Variants in MICALL1 observed in about 807,000 individuals in gnomAD.
MICALL1 encodes MICAL like 1.
In MICALL1, 61 loss-of-function variants were observed where a neutral mutation model predicts 83.7. The ratio of observed to expected loss-of-function variants is 0.73; its 90% CI spans 0.59 to 0.90. MICALL1 has a LOEUF of 0.90. Ranked by LOEUF, MICALL1 falls within the 40% of genes least tolerant of loss-of-function variation. MICALL1 has a pLI of 0.00. For synonymous variants in MICALL1, 481 were observed against 473.6 expected, an observed-to-expected ratio of 1.02 and a Z score of -0.20; for missense variants, 1,066 against 1,152.0, an observed-to-expected ratio of 0.93 and a Z score of 1.08.
rs540174489 is a variant in MICALL1, at chr22:37,940,911, C to T, written c.*81C>T. 11 of 1,562,050 alleles carry T rather than the reference C, an allele frequency of 7.0e-6. No homozygotes were observed. The East Asian group carries it at 2.5e-4, about 36-fold the overall frequency. Reference sequence around the variant, plus strand: ...CTCTGTTTGAAGGGGGCGCCCTGCTCCCCTCAGATCAGTCAGGAGGAAGAT... The same window carrying T: ...CTCTGTTTGAAGGGGGCGCCCTGCTTCCCTCAGATCAGTCAGGAGGAAGAT... On this transcript the variant is annotated 3_prime_UTR_variant, in exon 16 of 16. Coordinates refer to ENST00000215957, the MANE Select transcript of MICALL1 (RefSeq NM_033386.4).
intron 3 of MICALL1, among the ~76,000 whole-genome samples, chr22:37,912,888 C>T (rs915018135): frequency 7.9e-5 from 12 of 151,844 alleles, no homozygotes; most frequent in African/African-American, 2.7e-4. Context: ...GTCTCAAACT[C>T]TTGACCTCGT....
intron 13 of MICALL1, among the ~76,000 whole-genome samples, chr22:37,935,995 C>T (rs1205138898): frequency 6.6e-6 from 1 of 152,216 alleles, no homozygotes; most frequent in Non-Finnish European, 1.5e-5. Context: ...TCCCAAAGTG[C>T]TGGGATTACA....
chr22:37,934,811 T>G (rs1021806991), intron 13 of MICALL1, among the ~76,000 whole-genome samples: 1 of 151,218 alleles, frequency 6.6e-6, no homozygotes, highest in Non-Finnish European at 1.5e-5. Context: ...TTAGCCAGGA[T>G]GGTCTCGATC....
In MICALL1 at chr22:37,933,061, CAG is replaced by C; in HGVS notation, c.2258_2259del (p.Gln753ProfsTer4). ...TAGCTTCAAGCAGCAGAACCTGGAG[CAG>C]CGCCAGGCTGATGTCGAGTATGAGC... ...IYVFKQQNLE[Q>X]RQADVEYELR... On this transcript the variant is annotated frameshift_variant, in exon 13 of 16. Transcript: ENST00000215957. LOFTEE classifies it high-confidence loss of function. 1.9e-6 allele frequency: 3 copies of C among 1,614,008 alleles called. No individual in the cohort carries two copies. Among genetic ancestry groups the C allele is most frequent in the Non-Finnish European group, 2.5e-6 (3 of 1,180,004 alleles).
At position 37,930,565 on chromosome 22, in the gene MICALL1, G is replaced by T. The variant is rs1482423601; in HGVS notation, c.1882-1234G>T. On this transcript the variant is annotated intron_variant, in intron 9 of 15. Transcript: ENST00000215957. The surrounding 1 kb of genome is among the most constrained non-coding windows in gnomAD (Gnocchi z 4.8). ...ATCCCAGGTCTCAGGTGAGGCCTCT[G>T]TAAGGGGCTCGCAGTGACGTCTGTT... 6.6e-6 allele frequency among the ~76,000 whole-genome samples: 1 copy of T among 152,276 alleles called. No individual in the cohort carries two copies. Among genetic ancestry groups the T allele is most frequent in the Non-Finnish European group, 1.5e-5 (1 of 68,046 alleles).
rs563746406 is a variant in MICALL1 at position 37,914,380 on chromosome 22, C to CCA, written c.337+1892_337+1893dup. Reference sequence around the variant, plus strand: ...TAGCTGGGATTACAGGCACCCGCCACCACACCCGGCTAATTTTTGTAGTTT... The same window carrying CCA: ...TAGCTGGGATTACAGGCACCCGCCACCACACACCCGGCTAATTTTTGTAGTTT... On this transcript the variant is annotated intron_variant, in intron 3 of 15. Coordinates refer to ENST00000215957, the MANE Select transcript of MICALL1 (RefSeq NM_033386.4). Among the ~76,000 whole-genome samples the CCA allele has an allele frequency of 3.9e-3, 596 of 151,066 alleles. 3 individuals are homozygous for CCA. Among genetic ancestry groups the CCA allele is most frequent in the African/African-American group, 0.013 (547 of 41,128 alleles).
chr22:37,937,218 T>A, intron 14 of MICALL1, 24 bp downstream of exon 14: 36 of 976,280 alleles, frequency 3.7e-5, no homozygotes, highest in Non-Finnish European at 5.0e-5. Context: ...GGGTGGGGGG[T>A]CCTGGGGGCA....
chr22:37,933,245 G>A lies in MICALL1; in HGVS notation c.2308+133G>A, dbSNP rs1330586740. ...GGGACAGGGCCAGAGGAGGAGGTGC[G>A]GGGCAGGGCTGTCTGGGTCACCCCC... On this transcript the variant is annotated intron_variant, in intron 13 of 15. Coordinates refer to ENST00000215957, the MANE Select transcript of MICALL1 (RefSeq NM_033386.4). 2.0e-5 allele frequency: 18 copies of A among 882,618 alleles called. No homozygotes were observed. The East Asian group carries it at 2.6e-4, about 13-fold the overall frequency. 54.7% of individuals were successfully genotyped at this position (882,618 alleles called of 1,614,324 possible).
intron 3 of MICALL1, 53 bp downstream of exon 3, chr22:37,912,545 G>A: frequency 6.6e-7 from 1 of 1,506,512 alleles, no homozygotes; most frequent in Non-Finnish European, 9.0e-7. Context: ...GTGGCCCTGG[G>A]GATGTCTGAT....
In MICALL1 at chr22:37,922,415, G is replaced by A; in HGVS notation, c.1013G>A (p.Ser338Asn). ...CTGGTGGAGCAGGCTGGCAGCAGCA[G>A]CCTGGTGAACGGTGAGCAGGGTGCA... is the stretch of plus-strand genomic sequence containing the variant. ...ENLVEQAGSS[S>N]LVNGRLHELP... The change falls in exon 6 of 16, where the codon AGC becomes AAC. Residue 338 changes from serine (S) to asparagine (N), a missense_variant. Transcript: ENST00000215957. The A allele has an allele frequency of 2.6e-6, 4 of 1,529,642 alleles. No individual in the cohort carries two copies. Among genetic ancestry groups the A allele is most frequent in the Middle Eastern group, 2.3e-4 (1 of 4,398 alleles). The allele number at this position is 1,529,642 out of a possible 1,614,324, so 94.8% of individuals were successfully genotyped here. A position where few individuals can be genotyped will look rare whatever the true frequency, so the allele number is the denominator to read the frequency against.
intron 15 of MICALL1, among the ~76,000 whole-genome samples, chr22:37,938,964 C>T (rs1930287774): frequency 1.3e-5 from 2 of 152,074 alleles, no homozygotes; most frequent in Admixed American, 1.3e-4. Context: ...TCATGTTGAC[C>T]AGGCTGGTCT....
intron 9 of MICALL1, among the ~76,000 whole-genome samples, chr22:37,931,594 C>T (rs939083515): frequency 4.6e-5 from 7 of 152,044 alleles, no homozygotes; most frequent in Non-Finnish European, 1.5e-5. Context: ...AACTGACACA[C>T]GGGAAGAGCT....
intron 1 of MICALL1, among the ~76,000 whole-genome samples, chr22:37,911,034 C>G (rs528415523): frequency 8.5e-5 from 13 of 152,198 alleles, no homozygotes; most frequent in Non-Finnish European, 1.9e-4. Context: ...GGAGGCTGCC[C>G]GGCGGGAAGA....
chr22:37,927,337 G>C, intron 8 of MICALL1, 74 bp from the exon 9 acceptor site: 1 of 1,434,864 alleles, frequency 7.0e-7, no homozygotes, highest in Non-Finnish European at 9.2e-7. Flanking sequence ...TCTGTTGAGA[G>C]TGGAGCCGGG....
intron 1 of MICALL1, 92 bp from the exon 2 acceptor site, chr22:37,911,857 GTCT>G (rs1928341854): frequency 4.9e-6 from 6 of 1,227,746 alleles, no homozygotes; most frequent in South Asian, 4.9e-5. Flanking sequence ...CTGGGACAAG[GTCT>G]TCTCTGTTCA....
rs1475748866 is a variant in MICALL1 at position 37,906,327 on chromosome 22, G to T, written c.-96G>T. On this transcript the variant is annotated 5_prime_UTR_variant, in exon 1 of 16. Transcript: ENST00000215957. This position sits in a 1 kb window ranked among gnomAD's most constrained non-coding sequence, Gnocchi z 4.4. ...CCGGTCGGCGCCCGAGCTCGGAGCCGCAGCCGCAGCCGGAAACCGGGCCCG... is the reference window on the plus strand; with the variant it reads ...CCGGTCGGCGCCCGAGCTCGGAGCCTCAGCCGCAGCCGGAAACCGGGCCCG... The T allele has an allele frequency of 1.1e-6, 1 of 909,628 alleles. No individual in the cohort carries two copies. Among genetic ancestry groups the T allele is most frequent in the Non-Finnish European group, 1.3e-6 (1 of 760,242 alleles). The allele number at this position is 909,628 out of a possible 1,614,324, so 56.3% of individuals were successfully genotyped here. A position where few individuals can be genotyped will look rare whatever the true frequency, so the allele number is the denominator to read the frequency against.
intron 1 of MICALL1, among the ~76,000 whole-genome samples, chr22:37,909,807 C>T (rs1479487434): frequency 6.6e-6 from 1 of 152,226 alleles, no homozygotes; most frequent in Non-Finnish European, 1.5e-5. Context: ...GGCCCAGGTC[C>T]CACATAATGT....
In MICALL1 at chr22:37,942,501, A is replaced by AT. The variant is rs768330244; in HGVS notation, c.*1689dup. ...TTGTAAATGCTGAAAGCTAGCCTGA[A>AT]TTTTTTTTTTTTTTTTTTGAGACAG... is the stretch of plus-strand genomic sequence containing the variant. On this transcript the variant is annotated 3_prime_UTR_variant, in exon 16 of 16. Coordinates refer to ENST00000215957, the MANE Select transcript of MICALL1 (RefSeq NM_033386.4). The AT allele has an allele frequency of 0.022, 3,109 of 139,936 alleles. 85 individuals carry two copies. The highest frequency in any genetic ancestry group is 0.063 in the African/African-American group (2,411 of 38,180). 8.7% of individuals were successfully genotyped at this position (139,936 alleles called of 1,614,324 possible). A position where few individuals can be genotyped will look rare whatever the true frequency, so the allele number is the denominator to read the frequency against.
chr22:37,933,045 G>C lies in MICALL1; in HGVS notation c.2241G>C (p.Lys747Asn). Residue 747 changes from lysine (K) to asparagine (N), a missense_variant, in exon 13 of 16, where the codon AAG becomes AAC. Coordinates refer to ENST00000215957, the MANE Select transcript of MICALL1 (RefSeq NM_033386.4). ...RRESELIYVFKQQNLEQRQAD... is the reference protein window; with the variant it reads ...RRESELIYVFNQQNLEQRQAD... ...ACCTTATTCCCACCCCTAGCTTCAA[G>C]CAGCAGAACCTGGAGCAGCGCCAGG... is the stretch of plus-strand genomic sequence containing the variant. The C allele has an allele frequency of 6.2e-7, 1 of 1,614,060 alleles. No individual in the cohort carries two copies. The highest frequency in any genetic ancestry group is 8.5e-7 in the Non-Finnish European group (1 of 1,180,016).
Sources: gnomAD v4.1 joint callset for allele counts (sites outside exome capture counted in the v4.1 genomes callset) on GRCh38, gnomAD v4.1.1 for gene constraint, Gnocchi (gnomAD v3.1) non-coding constraint, MANE v1.5 for transcripts, NCBI Gene and HGNC (gene_info 2026-07-23, HGNC 2026-07-21) for gene names.